Variants in TNRC6A observed in about 807,000 individuals in gnomAD.
TNRC6A encodes the protein trinucleotide repeat containing adaptor 6A.
Under a neutral mutation model 221.2 loss-of-function variants are expected in TNRC6A, and 44 were observed. That is an observed-to-expected ratio of 0.20 (90% CI 0.16 to 0.26). The LOEUF is 0.26. Among genes scored for constraint, TNRC6A ranks in the 10% least tolerant of loss-of-function variants. TNRC6A has a pLI of 1.00. For missense variants in TNRC6A, 2,199 were observed against 2,404.4 expected, an observed-to-expected ratio of 0.91 and a Z score of 1.79; for synonymous variants, 847 against 838.5, an observed-to-expected ratio of 1.01 and a Z score of -0.18.
At chr16:24,737,553 T>C (rs995356965) in intron 2 of TNRC6A, among the ~76,000 whole-genome samples, 1 of 152,264 alleles carries the variant, frequency 6.6e-6, no homozygotes, top group Non-Finnish European at 1.5e-5. Context: ...ATGACTCAGC[T>C]GACTTCCCGT....
Position 24,791,284 on chromosome 16 carries a change from A to G in TNRC6A, c.2642A>G (p.Asp881Gly). 6.2e-7 allele frequency: 1 copy of G among 1,613,564 alleles called. No individual in the cohort carries two copies. Among genetic ancestry groups the G allele is most frequent in the Non-Finnish European group, 8.5e-7 (1 of 1,179,668 alleles). The stretch of plus-strand genomic sequence containing the variant: ...TCCAGCTCAGGAGGTAGTGACAGTG[A>G]CAGGTCCGTTTCCGGTTGGAACGAA... The part of the protein sequence containing the change: ...KKSSSGGSDS[D>G]RSVSGWNELG... Residue 881 changes from aspartate to glycine, a missense_variant, in exon 6 of 25, where the codon GAC becomes GGC. Physicochemically the swap from Asp to Gly is moderately conservative, Grantham distance 94 (BLOSUM62 -1). Coordinates refer to ENST00000395799, the MANE Select transcript of TNRC6A (RefSeq NM_014494.4).
chr16:24,670,069 C>T (rs1312205672), intron 2 of TNRC6A, among the ~76,000 whole-genome samples: 1 of 149,378 alleles, frequency 6.7e-6, no homozygotes, highest in Non-Finnish European at 1.5e-5. Flanking sequence ...CATGCCTTAG[C>T]CTCCCTAGTA....
At chr16:24,689,583 AT>A (rs1293632717) in intron 2 of TNRC6A, among the ~76,000 whole-genome samples, 10 of 152,110 alleles carry the variant, frequency 6.6e-5, no homozygotes, top group African/African-American at 2.4e-4. Flanking sequence ...CATTCAGTAC[AT>A]TTTTCGGAGC....
At chr16:24,699,779 C>A (rs188532744) in intron 2 of TNRC6A, among the ~76,000 whole-genome samples, 2 of 150,546 alleles carry the variant, frequency 1.3e-5, no homozygotes, top group East Asian at 1.9e-4. Flanking sequence ...CAGAGATGGA[C>A]AAGAGAGCAC....
At chr16:24,736,386 A>T (rs905668083) in intron 2 of TNRC6A, among the ~76,000 whole-genome samples, 1 of 152,286 alleles carries the variant, frequency 6.6e-6, no homozygotes, top group African/African-American at 2.4e-5. Flanking sequence ...TTAACTTTAC[A>T]ATTCTGTCTG....
intron 2 of TNRC6A, among the ~76,000 whole-genome samples, chr16:24,643,087 A>T (rs1215202570): frequency 7.3e-6 from 1 of 136,990 alleles, no homozygotes; most frequent in East Asian, 2.0e-4. Flanking sequence ...TATTATATAT[A>T]TATATTTTAT....
chr16:24,754,686 G>A (rs1420887214), intron 3 of TNRC6A, among the ~76,000 whole-genome samples: 1 of 152,154 alleles, frequency 6.6e-6, no homozygotes, highest in East Asian at 1.9e-4. Context: ...GGAAAATAGA[G>A]GTTGAGAAAT....
chr16:24,748,425 C>T (rs1317791766), intron 2 of TNRC6A, among the ~76,000 whole-genome samples: 1 of 152,078 alleles, frequency 6.6e-6, no homozygotes, highest in African/African-American at 2.4e-5. Flanking sequence ...TTACTACCTC[C>T]TGCACACAGA....
intron 18 of TNRC6A, among the ~76,000 whole-genome samples, chr16:24,813,461 G>A (rs989105953): frequency 5.9e-5 from 9 of 152,176 alleles, no homozygotes; most frequent in African/African-American, 1.9e-4. Context: ...TTCACATAGG[G>A]TAATGGCTCC....
At chr16:24,688,894 C>T (rs4787649) in intron 2 of TNRC6A, among the ~76,000 whole-genome samples, 124,252 of 152,204 alleles carry the variant, frequency 0.82, 51,098 homozygotes, top group African/African-American at 0.91. Context: ...GTTAGAGGTA[C>T]GTTTTGGTTT....
At chr16:24,753,517 C>T (rs548171777) in intron 3 of TNRC6A, among the ~76,000 whole-genome samples, 7 of 152,152 alleles carry the variant, frequency 4.6e-5, no homozygotes, top group South Asian at 4.1e-4. Flanking sequence ...TACAACCTGT[C>T]GGTGAAGTGA....
intron 2 of TNRC6A, among the ~76,000 whole-genome samples, chr16:24,676,762 T>G (rs1191656535): frequency 2.0e-5 from 3 of 152,188 alleles, no homozygotes; most frequent in Non-Finnish European, 4.4e-5. Context: ...CCAAGACTTC[T>G]TGATTTCTTG....
chr16:24,667,695 T>G (rs1376562528), intron 2 of TNRC6A, among the ~76,000 whole-genome samples: 1 of 152,216 alleles, frequency 6.6e-6, no homozygotes. Flanking sequence ...GCATAGTTAG[T>G]GCACTACTAA....
upstream of TNRC6A, among the ~76,000 whole-genome samples, chr16:24,726,523 G>A (rs143666374): frequency 2.8e-3 from 422 of 152,260 alleles, 4 homozygotes; most frequent in African/African-American, 9.6e-3. Flanking sequence ...TTTCCATTGA[G>A]TTTGGCACCC....
At chr16:24,811,612 CT>C (rs1003802900) in intron 18 of TNRC6A, among the ~76,000 whole-genome samples, 2 of 151,822 alleles carry the variant, frequency 1.3e-5, no homozygotes, top group African/African-American at 4.8e-5. Context: ...TGAACATTGC[CT>C]TTTGTATGTT....
intron 5 of TNRC6A, among the ~76,000 whole-genome samples, chr16:24,782,949 T>C (rs1360947114): frequency 6.6e-6 from 1 of 152,172 alleles, no homozygotes; most frequent in Non-Finnish European, 1.5e-5. Flanking sequence ...CTCATACTCC[T>C]TGGAAACATT....
At position 24,793,660 on chromosome 16, in the gene TNRC6A, G is replaced by A; in HGVS notation, c.3352+11G>A. 1.4e-6 allele frequency: 2 copies of A among 1,421,604 alleles called. No individual in the cohort carries two copies. Among genetic ancestry groups the A allele is most frequent in the Non-Finnish European group, 1.9e-6 (2 of 1,074,934 alleles). 88.1% of individuals were successfully genotyped at this position (1,421,604 alleles called of 1,614,324 possible). Reference sequence around the variant, plus strand: ...CATTAAGCAAATCTGGTAAGTTATTGACAATGCCTGGTAGCTGTTATGTAG... The same window carrying A: ...CATTAAGCAAATCTGGTAAGTTATTAACAATGCCTGGTAGCTGTTATGTAG... On this transcript the variant is annotated intron_variant, in intron 7 of 24. Transcript: ENST00000395799.
chr16:24,695,322 T>G (rs2055835888), intron 2 of TNRC6A, among the ~76,000 whole-genome samples: 1 of 152,128 alleles, frequency 6.6e-6, no homozygotes, highest in Admixed American at 6.6e-5. Flanking sequence ...TCAACTATGT[T>G]TTCCAGCTGC....
At chr16:24,733,377 A>T (rs1005179904) in intron 2 of TNRC6A, among the ~76,000 whole-genome samples, 6 of 152,234 alleles carry the variant, frequency 3.9e-5, no homozygotes, top group Admixed American at 3.9e-4. Context: ...TGCCAGTTAA[A>T]CAACATTGGC....
Sources: gnomAD v4.1 joint callset for allele counts (sites outside exome capture counted in the v4.1 genomes callset) on GRCh38, gnomAD v4.1.1 for gene constraint, MANE v1.5 for transcripts, NCBI Gene and HGNC (gene_info 2026-07-23, HGNC 2026-07-21) for gene names.